The following HUWE1 variants were observed in gnomAD, a reference collection of about 807,000 sequenced individuals.
The protein encoded by HUWE1 is E3 ubiquitin-protein ligase HUWE1.
Under a neutral mutation model 299.4 loss-of-function variants are expected in HUWE1, and 18 were observed. The ratio of observed to expected loss-of-function variants is 0.06; its 90% CI spans 0.04 to 0.09. The LOEUF (loss-of-function observed/expected upper bound fraction) is 0.09, where lower values mean the gene tolerates loss of function less well. HUWE1 is among the 10% of genes least tolerant of loss of function. HUWE1 has a pLI of 1.00. For missense variants in HUWE1, 1,832 were observed against 3,462.3 expected, an observed-to-expected ratio of 0.53 and a Z score of 11.82; for synonymous variants, 1,317 against 1,286.1, an observed-to-expected ratio of 1.02 and a Z score of -0.51.
At chrX:53,578,469 T>C (rs2063331297) in intron 43 of HUWE1, among the ~76,000 whole-genome samples, 1 of 87,183 alleles carries the variant, frequency 1.1e-5, no homozygotes, top group Admixed American at 1.2e-4. Flanking sequence ...AGTCGCCCCG[T>C]CCAGGAGGGA....
At chrX:53,653,345 G>A (rs943179103) in intron 4 of HUWE1, among the ~76,000 whole-genome samples, 4 of 111,434 alleles carry the variant, frequency 3.6e-5, no homozygotes, top group Non-Finnish European at 5.6e-5. Context: ...GCCCCATTTT[G>A]CAGCTGTGGA....
chrX:53,563,897 C>T (rs1263667158), intron 51 of HUWE1, 76 bp from the exon 52 acceptor site: 7 of 1,005,704 alleles, frequency 7.0e-6, no homozygotes, highest in Non-Finnish European at 9.6e-6. Flanking sequence ...TAAAAAAGGC[C>T]AGCAAAGCAG....
chrX:53,550,460 G>T (rs2061724093), intron 66 of HUWE1, among the ~76,000 whole-genome samples: 1 of 111,909 alleles, frequency 8.9e-6, no homozygotes, highest in Admixed American at 9.5e-5. Context: ...TTGCGATTGT[G>T]GTCTTTGGTA....
At chrX:53,669,727 T>C (rs1375513654) in intron 3 of HUWE1, among the ~76,000 whole-genome samples, 1 of 112,304 alleles carries the variant, frequency 8.9e-6, no homozygotes, top group Non-Finnish European at 1.9e-5. Context: ...TTTTTAAAGA[T>C]CAAATAGACT....
intron 23 of HUWE1, among the ~76,000 whole-genome samples, chrX:53,609,469 T>C (rs1196579038): frequency 1.8e-5 from 2 of 112,251 alleles, no homozygotes; most frequent in Non-Finnish European, 3.8e-5. Context: ...CAAAGATTCA[T>C]ACACCTGAGG....
Position 53,584,995 on chromosome X carries a change from G to T in HUWE1, c.5001+17C>A, listed in dbSNP as rs372467408. The T allele has an allele frequency of 8.3e-7, 1 of 1,210,642 alleles. No individual in the cohort carries two copies. Among genetic ancestry groups the T allele is most frequent in the South Asian group, 1.8e-5 (1 of 56,963 alleles). The stretch of plus-strand genomic sequence containing the variant: ...TGTGGTCCACGGGTTAGACAAGCTT[G>T]GTGAGTGAGCATGTACCTGCACCAT... On this transcript the variant is annotated intron_variant, in intron 40 of 83. Transcript: ENST00000262854.
At chrX:53,601,850 A>T (rs2064870665) in intron 28 of HUWE1, among the ~76,000 whole-genome samples, 1 of 109,076 alleles carries the variant, frequency 9.2e-6, no homozygotes, top group Admixed American at 9.8e-5. Context: ...TTGTGTTTTC[A>T]GTAGAGACAG....
chrX:53,661,582 C>T (rs1478612632), intron 3 of HUWE1, among the ~76,000 whole-genome samples: 1 of 111,458 alleles, frequency 9.0e-6, no homozygotes, highest in Non-Finnish European at 1.9e-5. Flanking sequence ...AAAAAAAAAT[C>T]CTTCCATAAA....
intron 3 of HUWE1, among the ~76,000 whole-genome samples, chrX:53,660,009 T>C (rs1356168563): frequency 1.8e-5 from 2 of 112,435 alleles, no homozygotes; most frequent in Non-Finnish European, 3.8e-5. Flanking sequence ...TAATGCTGTT[T>C]TGACCTAGTG....
chrX:53,652,389 T>C (rs1218723606), intron 4 of HUWE1, among the ~76,000 whole-genome samples: 1 of 112,135 alleles, frequency 8.9e-6, no homozygotes, highest in Non-Finnish European at 1.9e-5. Flanking sequence ...AGATAATCAT[T>C]CTAGCATGGT....
At chrX:53,621,945 G>A (rs1344088534) in intron 19 of HUWE1, among the ~76,000 whole-genome samples, 4 of 112,061 alleles carry the variant, frequency 3.6e-5, no homozygotes, top group Non-Finnish European at 5.6e-5. Context: ...TAACATGAGG[G>A]GTAAGGCAGG....
intron 61 of HUWE1, 124 bp downstream of exon 61, chrX:53,554,509 G>T: frequency 1.4e-6 from 1 of 697,585 alleles, no homozygotes; most frequent in Non-Finnish European, 2.2e-6. Flanking sequence ...CGCAAGACGA[G>T]ATCTTATTAT....
chrX:53,565,186 G>C lies in HUWE1; in HGVS notation c.6761C>G (p.Ser2254Cys). Residue 2254 changes from serine to cysteine, a missense_variant, in exon 50 of 84, where the codon TCC (serine) becomes TGC (cysteine). This residue lies in a region of HUWE1 where 157 missense variants were observed against 252.3 expected (regional missense o/e 0.62). Coordinates refer to ENST00000262854, the MANE Select transcript of HUWE1 (RefSeq NM_031407.7). ...NAALKPLETL[S>C]RIVNQPSSLF... Reference sequence around the variant, plus strand: ...GCTACTGGGCTGGTTCACAATCCGGGAAAGTGTTTCCAAAGGCTTCAGAGC... The same window carrying C: ...GCTACTGGGCTGGTTCACAATCCGGCAAAGTGTTTCCAAAGGCTTCAGAGC... The C allele has an allele frequency of 1.7e-6, 2 of 1,211,607 alleles. No homozygotes were observed. Among genetic ancestry groups the C allele is most frequent in the Non-Finnish European group, 2.2e-6 (2 of 895,249 alleles).
At chrX:53,617,939 TA>T (rs1326607639) in intron 19 of HUWE1, among the ~76,000 whole-genome samples, 2 of 112,315 alleles carry the variant, frequency 1.8e-5, no homozygotes, top group Non-Finnish European at 3.8e-5. Flanking sequence ...TGAAAATAGA[TA>T]AACTGCCTCA....
intron 3 of HUWE1, among the ~76,000 whole-genome samples, chrX:53,670,842 G>A (rs1399249647): frequency 8.1e-5 from 9 of 111,445 alleles, no homozygotes; most frequent in African/African-American, 2.6e-4. Context: ...GTGTACGTAC[G>A]TATATGTATA....
intron 56 of HUWE1, among the ~76,000 whole-genome samples, chrX:53,559,788 T>C (rs1406612671): frequency 1.8e-5 from 2 of 111,985 alleles, no homozygotes; most frequent in African/African-American, 3.3e-5. Context: ...TCAGGTCACA[T>C]TGCCTCCACT....
chrX:53,536,677 AAAGCAG>A lies in HUWE1; in HGVS notation c.12138-16_12138-11del, dbSNP rs2061075608. The A allele has an allele frequency of 8.3e-7, 1 of 1,203,532 alleles. No individual in the cohort carries two copies. The highest frequency in any genetic ancestry group is 1.1e-6 in the Non-Finnish European group (1 of 890,103). ...TTCAAATACTATATACCTGCATAAGAAAGCAGAAGCAGAAAAGAGCTGTGCAGAAAA... is the reference window on the plus strand; with the variant it reads ...TTCAAATACTATATACCTGCATAAGAAAGCAGAAAAGAGCTGTGCAGAAAA... On this transcript the variant is annotated splice_polypyrimidine_tract_variant and intron_variant, in intron 78 of 83. Transcript: ENST00000262854.
At chrX:53,578,782 C>T (rs2063384123) in intron 43 of HUWE1, among the ~76,000 whole-genome samples, 1 of 73,406 alleles carries the variant, frequency 1.4e-5, no homozygotes, top group Non-Finnish European at 2.6e-5. Flanking sequence ...GCCCGGCCAG[C>T]CGCCCCGTCT....
chrX:53,625,883 A>G lies in HUWE1; in HGVS notation c.1490-625T>C, dbSNP rs198501. 0.42 allele frequency: 129,258 copies of G among 308,667 alleles called. 19,115 individuals carry two copies. The highest frequency in any genetic ancestry group is 0.49 in the East Asian group (3,744 of 7,635). The allele number at this position is 308,667 out of a possible 1,213,427, so 25.4% of individuals were successfully genotyped here. On this transcript the variant is annotated intron_variant, in intron 17 of 83. Transcript: ENST00000262854. ...CGGGGCCGGGGCCGGGGCCGGGGCC[A>G]GGGCCGGTGCCGGGGCCGGGACTGG...
Sources: allele counts gnomAD v4.1 joint callset (sites outside exome capture counted in the v4.1 genomes callset), GRCh38; gene constraint gnomAD v4.1.1; regional missense constraint gnomAD v4.1.1; transcripts MANE v1.5; gene names NCBI Gene and HGNC (gene_info 2026-07-23, HGNC 2026-07-21).